Variants in LOXHD1 observed in about 807,000 individuals in gnomAD.
The protein encoded by LOXHD1 is lipoxygenase homology domain-containing protein 1.
In LOXHD1, 205 loss-of-function variants were observed where a neutral mutation model predicts 248.2. The ratio of observed to expected loss-of-function variants is 0.83; its 90% confidence interval spans 0.74 to 0.93. The LOEUF is 0.93. Ranked by LOEUF, LOXHD1 falls within the 40% of genes least tolerant of loss-of-function variation. The probability of loss-of-function intolerance (pLI) is 0.00; values close to 1 mark genes in which losing one functional copy is unlikely to be tolerated. For missense variants in LOXHD1, 2,930 were observed against 2,971.6 expected (o/e 0.99, Z 0.33); for synonymous variants, 1,113 against 1,162.8 (o/e 0.96, Z 0.87).
chr18:46,484,288 C>T (rs892993629), intron 39 of LOXHD1, among the ~76,000 whole-genome samples: 2 of 152,094 alleles, frequency 1.3e-5, no homozygotes, highest in African/African-American at 4.8e-5. Flanking sequence ...GTCTGTGCCC[C>T]AGTTCCCCCA....
intron 37 of LOXHD1, among the ~76,000 whole-genome samples, chr18:46,500,610 C>T (rs187129127): frequency 2.6e-5 from 4 of 152,278 alleles, no homozygotes; most frequent in South Asian, 2.1e-4. Flanking sequence ...GAGTGATTCC[C>T]GTTCTTGAGA....
intron 4 of LOXHD1, among the ~76,000 whole-genome samples, chr18:46,627,838 C>G (rs2038764667): frequency 6.6e-6 from 1 of 152,220 alleles, no homozygotes; most frequent in Non-Finnish European, 1.5e-5. Context: ...TTCCTTCTTC[C>G]TCTATGCTCC....
intron 4 of LOXHD1, among the ~76,000 whole-genome samples, chr18:46,631,833 T>G (rs2038828286): frequency 6.6e-6 from 1 of 152,144 alleles, no homozygotes; most frequent in African/African-American, 2.4e-5. Context: ...CTGTCCGTGG[T>G]CTGGTTTCCA....
At chr18:46,590,084 A>G (rs2038137451) in intron 12 of LOXHD1, among the ~76,000 whole-genome samples, 1 of 152,206 alleles carries the variant, frequency 6.6e-6, no homozygotes, top group South Asian at 2.1e-4. Flanking sequence ...GAAGCTGGAG[A>G]GCAGCTAGAA....
intron 37 of LOXHD1, 24 bp from the exon 38 acceptor site, chr18:46,489,166 T>C (rs1225611447): frequency 4.5e-6 from 7 of 1,551,262 alleles, no homozygotes; most frequent in Non-Finnish European, 6.1e-6. Flanking sequence ...ACCATGGGGG[T>C]TGGAAGCTGG....
chr18:46,479,116 G>A (rs2032306321), intron 40 of LOXHD1, among the ~76,000 whole-genome samples: 2 of 152,084 alleles, frequency 1.3e-5, no homozygotes, highest in South Asian at 4.2e-4. Flanking sequence ...CCTTTAGAGG[G>A]AGTTGCTGAA....
intron 25 of LOXHD1, among the ~76,000 whole-genome samples, chr18:46,539,957 T>A (rs1195854040): frequency 6.6e-6 from 1 of 152,220 alleles, no homozygotes; most frequent in East Asian, 1.9e-4. Flanking sequence ...TCATTTATCA[T>A]CATAGCTACT....
chr18:46,560,049 C>CCCAA, intron 19 of LOXHD1, 34 bp downstream of exon 19: 46 of 555,504 alleles, frequency 8.3e-5, no homozygotes, highest in Non-Finnish European at 1.1e-4. Context: ...TCTGGCCACT[C>CCCAA]CCTCCCCACC....
intron 2 of LOXHD1, among the ~76,000 whole-genome samples, chr18:46,644,600 C>T (rs1179870646): frequency 6.6e-6 from 1 of 152,116 alleles, no homozygotes; most frequent in African/African-American, 2.4e-5. Flanking sequence ...CACCTGTAGT[C>T]TCAGTTACTC....
chr18:46,633,422 G>C lies in LOXHD1; in HGVS notation c.511+6194C>G, dbSNP rs538218663. ...GTGCTGGGAAAACTGAATATCCACTGCAAAAGAGTGAAGTTGGACCTTGAT... is the reference window on the plus strand; with the variant it reads ...GTGCTGGGAAAACTGAATATCCACTCCAAAAGAGTGAAGTTGGACCTTGAT... On this transcript the variant is annotated intron_variant, in intron 4 of 40. Coordinates refer to ENST00000642948, the MANE Select transcript of LOXHD1 (RefSeq NM_001384474.1). 8.5e-5 allele frequency among the ~76,000 whole-genome samples: 13 copies of C among 152,298 alleles called. No individual in the cohort carries two copies. In the East Asian group the frequency reaches 1.9e-3, roughly 23 times the overall value.
chr18:46,604,060 C>T, intron 7 of LOXHD1, 46 bp downstream of exon 7: 1 of 1,550,046 alleles, frequency 6.5e-7, no homozygotes, highest in South Asian at 1.2e-5. Flanking sequence ...GACCCTTAGG[C>T]AGAAAGTGAA....
chr18:46,512,589 C>A (rs2035029587), intron 34 of LOXHD1, among the ~76,000 whole-genome samples: 1 of 152,246 alleles, frequency 6.6e-6, no homozygotes, highest in Admixed American at 6.5e-5. Flanking sequence ...GGGCTGTGGG[C>A]AAAATGAACC....
intron 16 of LOXHD1, among the ~76,000 whole-genome samples, chr18:46,568,342 G>A (rs2037684739): frequency 6.6e-6 from 1 of 152,178 alleles, no homozygotes; most frequent in African/African-American, 2.4e-5. Context: ...TGTTTCTCCA[G>A]GTGATGTCAA....
chr18:46,607,233 G>A (rs2038428712), intron 6 of LOXHD1, among the ~76,000 whole-genome samples: 1 of 151,056 alleles, frequency 6.6e-6, no homozygotes. Context: ...GGGGATATAT[G>A]CATGCTATAT....
intron 37 of LOXHD1, among the ~76,000 whole-genome samples, chr18:46,497,587 GT>G (rs2033952636): frequency 6.6e-6 from 1 of 152,110 alleles, no homozygotes; most frequent in African/African-American, 2.4e-5. Flanking sequence ...GGAAAACTGA[GT>G]TCCCTATAAC....
chr18:46,595,286 T>C (rs904036848), intron 8 of LOXHD1, among the ~76,000 whole-genome samples: 1 of 152,108 alleles, frequency 6.6e-6, no homozygotes, highest in African/African-American at 2.4e-5. Context: ...AACCTTAACT[T>C]ATAAGAAGCA....
intron 32 of LOXHD1, 52 bp from the exon 33 acceptor site, chr18:46,521,334 A>C: frequency 1.3e-6 from 2 of 1,543,202 alleles, no homozygotes; most frequent in Non-Finnish European, 1.8e-6. Flanking sequence ...CTGGGAAGGA[A>C]GTGCTCCCTG....
chr18:46,578,747 A>G (rs546322534), intron 13 of LOXHD1, among the ~76,000 whole-genome samples: 1 of 152,354 alleles, frequency 6.6e-6, no homozygotes, highest in East Asian at 1.9e-4. Flanking sequence ...ACTTCACTGC[A>G]ACAACGACTC....
chr18:46,489,248 T>A, intron 37 of LOXHD1, 106 bp from the exon 38 acceptor site: 1 of 1,222,396 alleles, frequency 8.2e-7, no homozygotes, highest in Non-Finnish European at 1.2e-6. Flanking sequence ...GGACAAGTTA[T>A]CTGTCCTCTT....
Sources: gnomAD v4.1 joint callset for allele counts (sites outside exome capture counted in the v4.1 genomes callset) on GRCh38, gnomAD v4.1.1 for gene constraint, MANE v1.5 for transcripts, NCBI Gene and HGNC (gene_info 2026-07-23, HGNC 2026-07-21) for gene names.